KLF8: variants seen among roughly 807,000 people sequenced by gnomAD.
The protein encoded by KLF8 is Krueppel-like factor 8.
Under a neutral mutation model 18.2 loss-of-function variants are expected in KLF8, and 10 were observed. The ratio of observed to expected loss-of-function variants is 0.55; its 90% CI spans 0.34 to 0.93. The LOEUF (loss-of-function observed/expected upper bound fraction) is 0.93, where lower values mean the gene tolerates loss of function less well. KLF8 is among the 40% of genes least tolerant of loss of function. The pLI is 0.02. For missense variants in KLF8, 264 were observed against 277.9 expected, an observed-to-expected ratio of 0.95 and a Z score of 0.36; for synonymous variants, 109 against 97.3, an observed-to-expected ratio of 1.12 and a Z score of -0.71.
At chrX:56,072,505 A>T in the KLF8 span, among the ~76,000 whole-genome samples, 1 of 111,318 alleles carries the variant, frequency 9.0e-6, no homozygotes, top group African/African-American at 3.3e-5. Context: ...ATCTCTTAAA[A>T]TTCCCCCGCT....
At chrX:56,027,117 G>A in the KLF8 span, among the ~76,000 whole-genome samples, 2 of 112,830 alleles carry the variant, frequency 1.8e-5, no homozygotes, top group Admixed American at 9.3e-5. Flanking sequence ...CTGTGGCACA[G>A]CTATTCTCCC....
At chrX:56,203,921 C>T in the KLF8 span, among the ~76,000 whole-genome samples, 1 of 110,409 alleles carries the variant, frequency 9.1e-6, no homozygotes, top group Non-Finnish European at 1.9e-5. Flanking sequence ...TTTTATGGTT[C>T]CATATGCATT....
the KLF8 span, among the ~76,000 whole-genome samples, chrX:56,118,118 A>C: frequency 9.0e-6 from 1 of 111,535 alleles, no homozygotes; most frequent in Non-Finnish European, 1.9e-5. Flanking sequence ...TAGGATTTCA[A>C]CATAAGAATG....
chrX:56,106,117 T>C, the KLF8 span, among the ~76,000 whole-genome samples: 2 of 111,506 alleles, frequency 1.8e-5, no homozygotes, highest in Admixed American at 1.9e-4. Flanking sequence ...CCTTTTTGCA[T>C]AACCTGACAT....
the KLF8 span, among the ~76,000 whole-genome samples, chrX:56,095,952 C>T: frequency 9.0e-6 from 1 of 111,501 alleles, no homozygotes; most frequent in Non-Finnish European, 1.9e-5. Context: ...TACTGGATAT[C>T]ATCCAAAGGA....
the KLF8 span, among the ~76,000 whole-genome samples, chrX:56,040,333 C>T: frequency 8.9e-6 from 1 of 111,749 alleles, no homozygotes; most frequent in Non-Finnish European, 1.9e-5. Flanking sequence ...CCAGATTTTT[C>T]CCATTCAGTA....
At chrX:56,174,063 T>C in the KLF8 span, among the ~76,000 whole-genome samples, 2 of 111,909 alleles carry the variant, frequency 1.8e-5, no homozygotes, top group Admixed American at 9.6e-5. Context: ...TGCCTTCCTC[T>C]TTTCCTGATT....
chrX:56,188,314 G>A, the KLF8 span, among the ~76,000 whole-genome samples: 6 of 111,322 alleles, frequency 5.4e-5, no homozygotes, highest in African/African-American at 2.0e-4. Flanking sequence ...AACTTACAAG[G>A]GATGTGAAGG....
the KLF8 span, among the ~76,000 whole-genome samples, chrX:56,076,967 T>C: frequency 3.5e-4 from 39 of 112,027 alleles, no homozygotes; most frequent in African/African-American, 1.2e-3. Context: ...TCATGTCCTT[T>C]GCCCACTTTT....
chrX:56,176,687 C>T, the KLF8 span, among the ~76,000 whole-genome samples: 3 of 111,465 alleles, frequency 2.7e-5, no homozygotes, highest in Non-Finnish European at 3.8e-5. Flanking sequence ...GGATAATATC[C>T]TGCAGAGTGT....
chrX:56,220,639 C>A, the KLF8 span, among the ~76,000 whole-genome samples: 1 of 111,165 alleles, frequency 9.0e-6, no homozygotes, highest in South Asian at 3.8e-4. Context: ...GCATGCGCCA[C>A]CACACCCAGC....
the KLF8 span, among the ~76,000 whole-genome samples, chrX:55,973,045 C>G: frequency 8.9e-6 from 1 of 112,161 alleles, no homozygotes; most frequent in African/African-American, 3.2e-5. Context: ...ATTAGGGAAC[C>G]TAGAAACAAA....
chrX:56,175,785 T>C, the KLF8 span, among the ~76,000 whole-genome samples: 4 of 111,825 alleles, frequency 3.6e-5, no homozygotes, highest in African/African-American at 9.7e-5. Context: ...GGTGCTCCTG[T>C]ATTGGGTGCA....
rs926810 is a variant in KLF8, at chrX:56,242,810, C to T, written c.8-7421C>T. On this transcript the variant is annotated intron_variant, in intron 1 of 5. Transcript: ENST00000468660. Reference sequence around the variant, plus strand: ...TGTTCTTTTTAACATCCTAGTTTGCCCCCACTTCCTTTTCTCTCATTCCAG... The same window carrying T: ...TGTTCTTTTTAACATCCTAGTTTGCTCCCACTTCCTTTTCTCTCATTCCAG... The T allele has an allele frequency of 1.1e-3, 305 of 265,729 alleles. 1 individual carries two copies. Among genetic ancestry groups the T allele is most frequent in the African/African-American group, 8.3e-3 (292 of 35,247 alleles). The allele number at this position is 265,729 out of a possible 1,213,427, so 21.9% of individuals were successfully genotyped here.
chrX:56,168,718 A>G, the KLF8 span, among the ~76,000 whole-genome samples: 5 of 103,111 alleles, frequency 4.8e-5, no homozygotes, highest in East Asian at 1.6e-3. Flanking sequence ...TCATTGTTCA[A>G]TTCCCACCTA....
At position 56,265,191 on chromosome X, in the gene KLF8, T is replaced by C. The variant is rs149640050; in HGVS notation, c.93T>C (p.Ser31=). The change falls in exon 3 of 6, where the codon TCT becomes TCC. Residue 31 remains serine, a synonymous_variant. Transcript: ENST00000468660. The stretch of plus-strand genomic sequence containing the variant: ...TTTATTTATTTAAGGTCACTGCTTC[T>C]GTTCGGAACAGAGATCCCCCTGAGA... The part of the protein sequence containing the change: ...SMQVFKQVTA[S]VRNRDPPEIE... 307 of 1,194,497 alleles carry C rather than the reference T, an allele frequency of 2.6e-4. 2 individuals carry two copies. In the African/African-American group the frequency reaches 4.8e-3, roughly 19 times the overall value.
chrX:55,939,518 A>G, the KLF8 span, among the ~76,000 whole-genome samples: 1 of 112,011 alleles, frequency 8.9e-6, no homozygotes, highest in African/African-American at 3.2e-5. Context: ...GCAAGAAATA[A>G]CTAAGATCAC....
At chrX:55,939,349 C>A in the KLF8 span, among the ~76,000 whole-genome samples, 3 of 110,788 alleles carry the variant, frequency 2.7e-5, no homozygotes, top group Non-Finnish European at 5.7e-5. Context: ...CACAACATAA[C>A]CAGAATCTCT....
chrX:55,941,162 C>G, the KLF8 span, among the ~76,000 whole-genome samples: 1 of 111,614 alleles, frequency 9.0e-6, no homozygotes, highest in East Asian at 2.8e-4. Context: ...GTATTGGTAC[C>G]AAAACAGAGA....
Sources: allele counts gnomAD v4.1 joint callset (sites outside exome capture counted in the v4.1 genomes callset), GRCh38; gene constraint gnomAD v4.1.1; transcripts MANE v1.5; gene names NCBI Gene and HGNC (gene_info 2026-07-23, HGNC 2026-07-21).